Variants in TMEM252 observed in about 807,000 individuals in gnomAD.
The protein encoded by TMEM252 is transmembrane protein 252, also known as transmembrane protein C9orf71.
Under a neutral mutation model 6.4 loss-of-function variants are expected in TMEM252, and 4 were observed. That is an observed-to-expected ratio of 0.62 (90% CI 0.31 to 1.43). The LOEUF is 1.43. TMEM252 is among the 40% of genes most tolerant of loss of function. TMEM252 has a pLI of 0.07. For synonymous variants in TMEM252, 85 were observed against 82.5 expected, an observed-to-expected ratio of 1.03 and a Z score of -0.17; for missense variants, 207 against 209.4, an observed-to-expected ratio of 0.99 and a Z score of 0.07.
chr9:68,537,895 C>T (rs1398764008), intron 1 of TMEM252, among the ~76,000 whole-genome samples: 1 of 152,184 alleles, frequency 6.6e-6, no homozygotes, highest in African/African-American at 2.4e-5. Context: ...TCTCGCATGG[C>T]ATCATCCCCT....
chr9:68,540,328 G>C (rs534981645), intron 1 of TMEM252, among the ~76,000 whole-genome samples: 1 of 152,286 alleles, frequency 6.6e-6, no homozygotes, highest in Admixed American at 6.5e-5. Context: ...TCTGAGATGA[G>C]TTGCCCCTGC....
chr9:68,537,765 T>C (rs960059724), intron 1 of TMEM252, among the ~76,000 whole-genome samples: 2 of 152,240 alleles, frequency 1.3e-5, no homozygotes, highest in African/African-American at 4.8e-5. Context: ...TATTGCTCAT[T>C]CACTCATGAA....
At chr9:68,540,288 G>A (rs1825187738) in intron 1 of TMEM252, among the ~76,000 whole-genome samples, 1 of 152,176 alleles carries the variant, frequency 6.6e-6, no homozygotes, top group African/African-American at 2.4e-5. Context: ...GGCTTAGGTG[G>A]GTTTTCACTG....
Position 68,537,331 on chromosome 9 carries a change from A to G in TMEM252, c.441T>C (p.Tyr147=), listed in dbSNP as rs749477365. ...CCACCAGGCCGGCTATGGACTCTCT[A>G]TAAGATGGTGGGGCCTCTGGGTGGG... ...NDSHPEAPPS[Y]RESIAGLVVT... is the part of the protein sequence containing the mutation. The change falls in exon 2 of 2, where the codon TAT becomes TAC. Residue 147 remains tyrosine (Y), a synonymous_variant. Coordinates refer to ENST00000377311, the MANE Select transcript of TMEM252 (RefSeq NM_153237.2). The G allele has an allele frequency of 3.7e-6, 6 of 1,605,632 alleles. No homozygotes were observed. In the South Asian group the frequency reaches 4.5e-5, roughly 12 times the overall value.
Position 68,540,715 on chromosome 9 carries a change from A to G in TMEM252, c.100T>C (p.Phe34Leu). The change falls in exon 1 of 2, where the codon TTC becomes CTC. Residue 34 changes from phenylalanine to leucine, a missense_variant. Transcript: ENST00000377311. ...GAFFISWGSIFDCQGSLIAAY... is the reference protein window; with the variant it reads ...GAFFISWGSILDCQGSLIAAY... ...GCAATCAGGCTCCCCTGACAGTCGA[A>G]TATGGAGCCCCAGGAAATGAAGAAG... is the stretch of plus-strand genomic sequence containing the variant. The G allele has an allele frequency of 6.2e-7, 1 of 1,614,158 alleles. No homozygotes were observed. The highest frequency in any genetic ancestry group is 1.1e-5 in the South Asian group (1 of 91,078).
Position 68,537,407 on chromosome 9 carries a change from G to A in TMEM252, c.365C>T (p.Pro122Leu). The A allele has an allele frequency of 6.2e-7, 1 of 1,607,458 alleles. No individual in the cohort carries two copies. The highest frequency in any genetic ancestry group is 8.5e-7 in the Non-Finnish European group (1 of 1,178,144). Reference sequence around the variant, plus strand: ...GCCCGTCTCTGTATATAGAGGTGGAGGAATGCCAGAGGCCTCTCTCTCTGC... The same window carrying A: ...GCCCGTCTCTGTATATAGAGGTGGAAGAATGCCAGAGGCCTCTCTCTCTGC... Reference protein sequence around the residue: ...CPAEREASGIPPPLYTETGLE... With the variant: ...CPAEREASGILPPLYTETGLE... Residue 122 changes from proline (P) to leucine (L), a missense_variant, in exon 2 of 2, where the codon CCT (proline) becomes CTT (leucine). Transcript: ENST00000377311.
chr9:68,539,264 A>T (rs905709567), intron 1 of TMEM252, among the ~76,000 whole-genome samples: 1 of 152,240 alleles, frequency 6.6e-6, no homozygotes, highest in Middle Eastern at 3.2e-3. Flanking sequence ...CTAGCCAAGA[A>T]TTAGGAGGTT....
At chr9:68,537,754 C>G (rs977463528) in intron 1 of TMEM252, among the ~76,000 whole-genome samples, 3 of 152,218 alleles carry the variant, frequency 2.0e-5, no homozygotes, top group Non-Finnish European at 2.9e-5. Flanking sequence ...TATTCCTTCT[C>G]TATTGCTCAT....
rs199544319 is a variant in TMEM252, at chr9:68,540,726, C to T, written c.89G>A (p.Trp30Ter). ...CCCCTGACAGTCGAATATGGAGCCC[C>T]AGGAAATGAAGAAGGCCCCCAGGCA... is the stretch of plus-strand genomic sequence containing the variant. Reference protein sequence around the residue: ...MVCLGAFFISWGSIFDCQGSL... With the variant: ...MVCLGAFFIS The change falls in exon 1 of 2, where the codon TGG becomes TAG. Residue 30 changes from tryptophan to a stop codon, truncating the protein, a stop_gained. Coordinates refer to ENST00000377311, the MANE Select transcript of TMEM252 (RefSeq NM_153237.2). LOFTEE classifies it high-confidence loss of function. 542 of 1,614,144 alleles carry T rather than the reference C, an allele frequency of 3.4e-4. 2 individuals are homozygous for T. Among genetic ancestry groups the T allele is most frequent in the Non-Finnish European group, 5.2e-5 (61 of 1,180,034 alleles).
At chr9:68,538,508 G>T (rs1015336181) in intron 1 of TMEM252, among the ~76,000 whole-genome samples, 4 of 152,328 alleles carry the variant, frequency 2.6e-5, no homozygotes, top group African/African-American at 9.6e-5. Flanking sequence ...TACACAGAAA[G>T]GTGAGATGTT....
At chr9:68,538,380 C>G (rs1825166275) in intron 1 of TMEM252, among the ~76,000 whole-genome samples, 1 of 152,180 alleles carries the variant, frequency 6.6e-6, no homozygotes, top group African/African-American at 2.4e-5. Context: ...AACTCCATTC[C>G]AAATGTTACC....
At chr9:68,540,246 T>C (rs1328048925) in intron 1 of TMEM252, among the ~76,000 whole-genome samples, 2 of 152,160 alleles carry the variant, frequency 1.3e-5, no homozygotes, top group Non-Finnish European at 2.9e-5. Flanking sequence ...ACAGCTGCCA[T>C]GATATAACAA....
Position 68,540,564 on chromosome 9 carries a change from C to A in TMEM252, c.251G>T (p.Gly84Val). Residue 84 changes from glycine (G) to valine (V), a missense_variant, in exon 1 of 2, where the codon GGG (glycine) becomes GTG (valine). Coordinates refer to ENST00000377311, the MANE Select transcript of TMEM252 (RefSeq NM_153237.2). ...RHMLRQHLAHGALPVATVDRP... is the reference protein window; with the variant it reads ...RHMLRQHLAHVALPVATVDRP... ...GTCTACTGTGGCCACGGGCAGGGCC[C>A]CATGAGCAAGGTGTTGTCGGAGCAT... 6.2e-7 allele frequency: 1 copy of A among 1,614,168 alleles called. No homozygotes were observed. The highest frequency in any genetic ancestry group is 8.5e-7 in the Non-Finnish European group (1 of 1,180,010).
rs752728310 is a variant in TMEM252 at position 68,537,417 on chromosome 9, A to G, written c.355T>C (p.Ser119Pro). The change falls in exon 2 of 2, where the codon TCT becomes CCT. Residue 119 changes from serine to proline, a missense_variant. Transcript: ENST00000377311. The part of the protein sequence containing the change: ...KQSCPAEREA[S>P]GIPPPLYTET... ...GTATATAGAGGTGGAGGAATGCCAG[A>G]GGCCTCTCTCTCTGCAGGACAGCTC... 6.2e-7 allele frequency: 1 copy of G among 1,606,598 alleles called. No homozygotes were observed. The highest frequency in any genetic ancestry group is 8.5e-7 in the Non-Finnish European group (1 of 1,177,946).
Position 68,536,937 on chromosome 9 carries a change from A to C in TMEM252, c.*322T>G. 7.6e-6 allele frequency: 2 copies of C among 264,092 alleles called. No homozygotes were observed. The highest frequency in any genetic ancestry group is 7.1e-6 in the Non-Finnish European group (1 of 140,598). 16.4% of individuals were successfully genotyped at this position (264,092 alleles called of 1,614,324 possible). ...GCTGGAGTTGAGGTGATGGGAGGGA[A>C]ATTGAGTGACAGCAGAAAGAATCTC... is the stretch of plus-strand genomic sequence containing the variant. On this transcript the variant is annotated 3_prime_UTR_variant, in exon 2 of 2. Transcript: ENST00000377311.
chr9:68,540,816 C>T lies in TMEM252; in HGVS notation c.-2G>A. On this transcript the variant is annotated 5_prime_UTR_variant, in exon 1 of 2. Transcript: ENST00000377311. ...AATGAGGCCAGTTCTGTTCTGCATCCTTGCACCTTAGGAACCCAGCACCCT... is the reference window on the plus strand; with the variant it reads ...AATGAGGCCAGTTCTGTTCTGCATCTTTGCACCTTAGGAACCCAGCACCCT... 1.2e-6 allele frequency: 2 copies of T among 1,612,400 alleles called. No homozygotes were observed. The highest frequency in any genetic ancestry group is 2.2e-5 in the East Asian group (1 of 44,818).
intron 1 of TMEM252, 114 bp downstream of exon 1, chr9:68,540,423 C>T (rs1825189466): frequency 2.1e-6 from 3 of 1,436,202 alleles, no homozygotes; most frequent in Non-Finnish European, 2.8e-6. Context: ...TGGTTCTAGA[C>T]AGACAGCCCA....
chr9:68,539,937 C>A (rs1311000941), intron 1 of TMEM252, among the ~76,000 whole-genome samples: 1 of 152,170 alleles, frequency 6.6e-6, no homozygotes, highest in Non-Finnish European at 1.5e-5. Flanking sequence ...CCAACACTAG[C>A]TGTTTGGTTT....
rs746495184 is a variant in TMEM252 at position 68,540,606 on chromosome 9, T to C, written c.209A>G (p.Lys70Arg). The C allele has an allele frequency of 1.9e-6, 3 of 1,614,190 alleles. No homozygotes were observed. The highest frequency in any genetic ancestry group is 1.1e-5 in the South Asian group (1 of 91,084). ...TCGGAGCATGTGCCTCAACACTCCT[T>C]TGCTTTCAGTCACCTGGCGATAGTT... Reference protein sequence around the residue: ...WSNYRQVTESKGVLRHMLRQH... With the variant: ...WSNYRQVTESRGVLRHMLRQH... Residue 70 changes from lysine to arginine, a missense_variant, in exon 1 of 2, where the codon AAA becomes AGA. By Grantham distance (26) the Lys-to-Arg change is conservative. Transcript: ENST00000377311.
Sources: gnomAD v4.1 joint callset for allele counts (sites outside exome capture counted in the v4.1 genomes callset) on GRCh38, gnomAD v4.1.1 for gene constraint, MANE v1.5 for transcripts, NCBI Gene and HGNC (gene_info 2026-07-23, HGNC 2026-07-21) for gene names.